The following CEP83 variants were observed in gnomAD, a reference collection of about 807,000 sequenced individuals.
The protein encoded by CEP83 is centrosomal protein 83.
A neutral mutation model predicts 101.9 loss-of-function variants in CEP83; 70 were observed. That is an observed-to-expected ratio of 0.69 (90% confidence interval 0.57 to 0.84). The LOEUF is 0.84. Ranked by LOEUF, CEP83 falls within the 40% of genes least tolerant of loss-of-function variation. The probability of loss-of-function intolerance (pLI) is 0.00; values close to 1 mark genes in which losing one functional copy is unlikely to be tolerated. For synonymous variants in CEP83, 264 were observed against 267.9 expected, an observed-to-expected ratio of 0.99 and a Z score of 0.14; for missense variants, 715 against 787.2, an observed-to-expected ratio of 0.91 and a Z score of 1.10.
chr12:94,372,204 C>A (rs577870160), intron 8 of CEP83, among the ~76,000 whole-genome samples: 5 of 151,990 alleles, frequency 3.3e-5, no homozygotes, highest in African/African-American at 7.2e-5. Flanking sequence ...GAACTCCTGA[C>A]CTCGTGATCC....
At chr12:94,390,872 C>T (rs1000240160) in intron 6 of CEP83, among the ~76,000 whole-genome samples, 2 of 152,018 alleles carry the variant, frequency 1.3e-5, no homozygotes, top group African/African-American at 4.8e-5. Flanking sequence ...GAAGAAAGGG[C>T]ATCAGTGATT....
chr12:94,297,009 C>T, the CEP83 span, among the ~76,000 whole-genome samples: 3 of 152,180 alleles, frequency 2.0e-5, no homozygotes, highest in African/African-American at 4.8e-5. Context: ...CCCATCTTCA[C>T]GCTGTTCTTA....
chr12:94,301,170 G>C, the CEP83 span: 1 of 722,972 alleles, frequency 1.4e-6, no homozygotes, highest in South Asian at 3.6e-5. Flanking sequence ...CAGCTAAAAA[G>C]AGATAGCAAG....
At chr12:94,317,370 C>G (rs1397170642) in intron 14 of CEP83, among the ~76,000 whole-genome samples, 1 of 152,104 alleles carries the variant, frequency 6.6e-6, no homozygotes, top group Non-Finnish European at 1.5e-5. Context: ...GGTTATCTGT[C>G]TACTCTGTTG....
At chr12:94,405,571 TCCAC>T (rs1472282560) in intron 4 of CEP83, among the ~76,000 whole-genome samples, 3 of 152,164 alleles carry the variant, frequency 2.0e-5, no homozygotes, top group Non-Finnish European at 2.9e-5. Context: ...TAAAAAGCCT[TCCAC>T]TTTCAGCCAA....
intron 6 of CEP83, among the ~76,000 whole-genome samples, chr12:94,392,862 A>T (rs2062640888): frequency 6.6e-6 from 1 of 152,220 alleles, no homozygotes; most frequent in Non-Finnish European, 1.5e-5. Flanking sequence ...ATGCAAATAA[A>T]CTGCAAAATC....
chr12:94,278,422 T>C, the CEP83 span, among the ~76,000 whole-genome samples: 1 of 152,278 alleles, frequency 6.6e-6, no homozygotes, highest in African/African-American at 2.4e-5. Context: ...GGAATTGCTT[T>C]TCAGTTTGTT....
chr12:94,341,161 A>G (rs1317117939), intron 11 of CEP83, among the ~76,000 whole-genome samples: 1 of 152,214 alleles, frequency 6.6e-6, no homozygotes, highest in Non-Finnish European at 1.5e-5. Context: ...GTACTTTTAT[A>G]AAAATAATTT....
intron 6 of CEP83, among the ~76,000 whole-genome samples, chr12:94,398,336 T>C (rs957807434): frequency 6.6e-6 from 1 of 152,186 alleles, no homozygotes; most frequent in East Asian, 1.9e-4. Flanking sequence ...TCTGAGACTT[T>C]GAACAATTCA....
chr12:94,270,403 A>C, the CEP83 span, among the ~76,000 whole-genome samples: 1 of 152,228 alleles, frequency 6.6e-6, no homozygotes, highest in Non-Finnish European at 1.5e-5. Flanking sequence ...GGCCCTTTGC[A>C]GAAAGTTTGT....
At chr12:94,458,177 A>G (rs774901942) in intron 1 of CEP83, among the ~76,000 whole-genome samples, 2 of 151,810 alleles carry the variant, frequency 1.3e-5, no homozygotes, top group Non-Finnish European at 2.9e-5. Flanking sequence ...AGCCTGAGCG[A>G]CAAGAATGAA....
intron 11 of CEP83, among the ~76,000 whole-genome samples, chr12:94,356,217 G>C (rs900557834): frequency 6.6e-6 from 1 of 152,136 alleles, no homozygotes; most frequent in Non-Finnish European, 1.5e-5. Context: ...GAAGCATCAG[G>C]GTAACAATGG....
At chr12:94,362,219 A>C (rs1247560427) in intron 11 of CEP83, among the ~76,000 whole-genome samples, 1 of 152,218 alleles carries the variant, frequency 6.6e-6, no homozygotes, top group Non-Finnish European at 1.5e-5. Flanking sequence ...CAAAAAGACA[A>C]AACAAATGTT....
intron 1 of CEP83, among the ~76,000 whole-genome samples, chr12:94,437,680 G>A (rs930592972): frequency 6.6e-6 from 1 of 152,114 alleles, no homozygotes; most frequent in Non-Finnish European, 1.5e-5. Flanking sequence ...ACAAACGAAT[G>A]CTCAGAGAAT....
intron 2 of CEP83, chr12:94,423,656 T>C (rs1249483846): frequency 1.3e-6 from 2 of 1,560,342 alleles, no homozygotes; most frequent in African/African-American, 2.7e-5. Context: ...ATGGTCTCCA[T>C]TCCTGGTTAA....
chr12:94,335,666 TAA>T lies in CEP83; in HGVS notation c.1344-4_1344-3del. 6.4e-7 allele frequency: 1 copy of T among 1,566,492 alleles called. No homozygotes were observed. Among genetic ancestry groups the T allele is most frequent in the Non-Finnish European group, 8.7e-7 (1 of 1,151,438 alleles). The stretch of plus-strand genomic sequence containing the variant: ...ACAATTTGTTGCTGAAGTTTTAACC[TAA>T]AAATCACAACCCAACAAAAGGCATT... On this transcript the variant is annotated splice_polypyrimidine_tract_variant and splice_region_variant and intron_variant, in intron 11 of 16. Transcript: ENST00000397809.
chr12:94,353,255 T>C (rs561165720), intron 11 of CEP83, among the ~76,000 whole-genome samples: 54 of 152,252 alleles, frequency 3.5e-4, no homozygotes, highest in African/African-American at 1.3e-3. Context: ...CAAAACTATC[T>C]TCAGAAATGA....
At chr12:94,275,359 G>A in the CEP83 span, among the ~76,000 whole-genome samples, 3 of 152,186 alleles carry the variant, frequency 2.0e-5, no homozygotes, top group African/African-American at 4.8e-5. Context: ...TGTGGGAGCC[G>A]GAGAGATGGC....
In CEP83 at chr12:94,312,908, C is replaced by T. The variant is rs1970090978; in HGVS notation, c.1811+6G>A. On this transcript the variant is annotated splice_donor_region_variant and intron_variant, in intron 15 of 16. Coordinates refer to ENST00000397809, the MANE Select transcript of CEP83 (RefSeq NM_016122.3). ...CATGGGGAAGATACACATACAAACA[C>T]ATTACCTATTTAAGACCTGATTTTC... 2 of 1,465,288 alleles carry T rather than the reference C, an allele frequency of 1.4e-6. No homozygotes were observed. Among genetic ancestry groups the T allele is most frequent in the Non-Finnish European group, 1.9e-6 (2 of 1,055,488 alleles). 90.8% of individuals were successfully genotyped at this position (1,465,288 alleles called of 1,614,324 possible).
Sources: gnomAD v4.1 joint callset for allele counts (sites outside exome capture counted in the v4.1 genomes callset) on GRCh38, gnomAD v4.1.1 for gene constraint, MANE v1.5 for transcripts, NCBI Gene and HGNC (gene_info 2026-07-23, HGNC 2026-07-21) for gene names.